The following RALGAPA2 variants were observed in gnomAD, a reference collection of about 807,000 sequenced individuals.
RALGAPA2 encodes Ral GTPase activating protein catalytic subunit alpha 2, also known as ral GTPase-activating protein subunit alpha-2.
In RALGAPA2, 139 loss-of-function variants were observed where a neutral mutation model predicts 230.4. That is an observed-to-expected ratio of 0.60 (90% CI 0.53 to 0.69). The LOEUF is 0.69. RALGAPA2 is among the 30% of genes least tolerant of loss of function. The pLI is 0.00. For missense variants in RALGAPA2, 2,163 were observed against 2,276.0 expected, an observed-to-expected ratio of 0.95 and a Z score of 1.01; for synonymous variants, 847 against 837.8, an observed-to-expected ratio of 1.01 and a Z score of -0.19.
At chr20:20,548,622 A>G (rs977436432) in intron 23 of RALGAPA2, among the ~76,000 whole-genome samples, 2 of 152,252 alleles carry the variant, frequency 1.3e-5, no homozygotes, top group African/African-American at 4.8e-5. Context: ...GCCTGCTTTA[A>G]TCACGTCCTT....
At chr20:20,522,578 A>G (rs989078532) in intron 30 of RALGAPA2, among the ~76,000 whole-genome samples, 1 of 152,198 alleles carries the variant, frequency 6.6e-6, no homozygotes, top group African/African-American at 2.4e-5. Context: ...ATGGGGAGGC[A>G]CAGAGAAGGC....
At chr20:20,546,168 G>C (rs2063769921) in intron 24 of RALGAPA2, among the ~76,000 whole-genome samples, 1 of 152,152 alleles carries the variant, frequency 6.6e-6, no homozygotes, top group South Asian at 2.1e-4. Flanking sequence ...AGCCCTTACT[G>C]ATCATTTAGT....
intron 21 of RALGAPA2, among the ~76,000 whole-genome samples, chr20:20,572,398 G>A (rs999888185): frequency 8.0e-5 from 12 of 150,316 alleles, no homozygotes; most frequent in Admixed American, 4.6e-4. Context: ...AGCCAAGATG[G>A]CGCCACTGCA....
At chr20:20,484,862 C>CA (rs2061868172) in intron 36 of RALGAPA2, among the ~76,000 whole-genome samples, 1 of 152,106 alleles carries the variant, frequency 6.6e-6, no homozygotes, top group South Asian at 2.1e-4. Context: ...GTAATTCTCA[C>CA]AACAACCCCA....
chr20:20,423,938 CA>C (rs982598866), intron 37 of RALGAPA2, among the ~76,000 whole-genome samples: 4 of 152,058 alleles, frequency 2.6e-5, no homozygotes, highest in African/African-American at 9.7e-5. Flanking sequence ...ACCATATAAC[CA>C]AGTTTAAGAA....
intron 20 of RALGAPA2, among the ~76,000 whole-genome samples, chr20:20,575,275 T>C (rs1377225919): frequency 1.3e-5 from 2 of 152,162 alleles, no homozygotes; most frequent in Non-Finnish European, 2.9e-5. Flanking sequence ...TTTAAACTCA[T>C]TTCTCCAACA....
intron 27 of RALGAPA2, among the ~76,000 whole-genome samples, chr20:20,528,252 T>C (rs2063274550): frequency 1.3e-5 from 2 of 152,168 alleles, no homozygotes; most frequent in Non-Finnish European, 2.9e-5. Context: ...CTCCAGCATA[T>C]AGTCATAGAA....
intron 37 of RALGAPA2, among the ~76,000 whole-genome samples, chr20:20,423,498 T>C (rs1253603516): frequency 6.6e-6 from 1 of 152,198 alleles, no homozygotes; most frequent in Non-Finnish European, 1.5e-5. Context: ...GCAGGGTTCC[T>C]GCAGAGCCTC....
chr20:20,692,344 C>G (rs746844633), intron 1 of RALGAPA2, among the ~76,000 whole-genome samples: 1 of 152,154 alleles, frequency 6.6e-6, no homozygotes, highest in Non-Finnish European at 1.5e-5. Context: ...TTTATTTCCA[C>G]AAGCATTCTT....
intron 9 of RALGAPA2, among the ~76,000 whole-genome samples, chr20:20,631,567 C>T (rs771586368): frequency 2.0e-5 from 3 of 152,196 alleles, no homozygotes; most frequent in Non-Finnish European, 4.4e-5. Context: ...CCAAGGAATA[C>T]AGGTGGCTTC....
Position 20,440,456 on chromosome 20 carries a change from T to C in RALGAPA2, c.5496-28308A>G, listed in dbSNP as rs1319904486. On this transcript the variant is annotated intron_variant, in intron 37 of 39. Transcript: ENST00000202677. ...TTAAATAGGCCTAGGCTTTGTACAA[T>C]ACAGAAACAGGTACTTGAGGCTCAC... Among the ~76,000 whole-genome samples the C allele has an allele frequency of 3.3e-5, 5 of 152,160 alleles. No homozygotes were observed. In the East Asian group the frequency reaches 9.6e-4, roughly 29 times the overall value.
chr20:20,494,986 C>A, intron 36 of RALGAPA2, 131 bp downstream of exon 36: 1 of 766,028 alleles, frequency 1.3e-6, no homozygotes, highest in Non-Finnish European at 1.9e-6. Flanking sequence ...ATGCATAATT[C>A]AGATATATGT....
chr20:20,669,988 T>A (rs1455114013), intron 3 of RALGAPA2, among the ~76,000 whole-genome samples: 2 of 152,198 alleles, frequency 1.3e-5, no homozygotes, highest in Non-Finnish European at 2.9e-5. Context: ...TCAAGAACCA[T>A]CACCAAAATA....
chr20:20,696,138 A>C (rs1196776786), intron 1 of RALGAPA2, among the ~76,000 whole-genome samples: 4 of 152,120 alleles, frequency 2.6e-5, no homozygotes, highest in African/African-American at 9.7e-5. Context: ...CCCACTGGCC[A>C]CAAAGTGTTT....
intron 36 of RALGAPA2, among the ~76,000 whole-genome samples, chr20:20,486,009 T>C (rs2061899490): frequency 6.6e-6 from 1 of 151,994 alleles, no homozygotes; most frequent in Non-Finnish European, 1.5e-5. Context: ...CATGGTGGTG[T>C]GTGCCTGTAG....
At chr20:20,600,945 C>A (rs2065623859) in intron 16 of RALGAPA2, among the ~76,000 whole-genome samples, 1 of 151,990 alleles carries the variant, frequency 6.6e-6, no homozygotes. Flanking sequence ...ACTAAAAATA[C>A]AAAAATTAGC....
chr20:20,687,512 G>C (rs554036503), intron 1 of RALGAPA2, among the ~76,000 whole-genome samples: 1 of 151,726 alleles, frequency 6.6e-6, no homozygotes, highest in Non-Finnish European at 1.5e-5. Context: ...TGGGAGAGCC[G>C]CAAGTAGTTG....
In RALGAPA2 at chr20:20,437,602, G is replaced by A. The variant is rs2060644157; in HGVS notation, c.5496-25454C>T. Among the ~76,000 whole-genome samples the A allele has an allele frequency of 6.6e-6, 1 of 152,180 alleles. No homozygotes were observed. Among genetic ancestry groups the A allele is most frequent in the African/African-American group, 2.4e-5 (1 of 41,436 alleles). The stretch of plus-strand genomic sequence containing the variant: ...TTCCCACACTTCACACACACGATGT[G>A]TGTGTGCTGTGCCCTCTGCCTGGGA... On this transcript the variant is annotated intron_variant, in intron 37 of 39. Coordinates refer to ENST00000202677, the MANE Select transcript of RALGAPA2 (RefSeq NM_020343.4). This position sits in a 1 kb window ranked among gnomAD's most constrained non-coding sequence, Gnocchi z 4.1.
chr20:20,708,790 C>T lies in RALGAPA2; in HGVS notation c.106+3585G>A, dbSNP rs569812624. On this transcript the variant is annotated intron_variant, in intron 1 of 39. Coordinates refer to ENST00000202677, the MANE Select transcript of RALGAPA2 (RefSeq NM_020343.4). Reference sequence around the variant, plus strand: ...TATACCTGACCATCTAATTACATAACACACCATAAATTTACTATTATTTTG... The same window carrying T: ...TATACCTGACCATCTAATTACATAATACACCATAAATTTACTATTATTTTG... 3.3e-5 allele frequency among the ~76,000 whole-genome samples: 5 copies of T among 152,314 alleles called. No individual in the cohort carries two copies. In the South Asian group the frequency reaches 1.0e-3, roughly 32 times the overall value.
Sources: gnomAD v4.1 joint callset for allele counts (sites outside exome capture counted in the v4.1 genomes callset) on GRCh38, gnomAD v4.1.1 for gene constraint, Gnocchi (gnomAD v3.1) non-coding constraint, MANE v1.5 for transcripts, NCBI Gene and HGNC (gene_info 2026-07-23, HGNC 2026-07-21) for gene names.